L3MBTL4: variants seen among roughly 807,000 people sequenced by gnomAD.
L3MBTL4 encodes L3MBTL histone methyl-lysine binding protein 4.
In L3MBTL4, 70 loss-of-function variants were observed where a neutral mutation model predicts 84.5. The observed-to-expected ratio is 0.83, with a 90% CI of 0.68 to 1.01. The LOEUF is 1.01. Among genes scored for constraint, L3MBTL4 ranks in the 50% least tolerant of loss-of-function variants. The probability of loss-of-function intolerance (pLI) is 0.00; values close to 1 mark genes in which losing one functional copy is unlikely to be tolerated. For synonymous variants in L3MBTL4, 274 were observed against 259.8 expected (o/e 1.05, Z -0.52); for missense variants, 715 against 754.8 (o/e 0.95, Z 0.62).
intron 5 of L3MBTL4, among the ~76,000 whole-genome samples, chr18:6,257,200 A>C (rs2048180511): frequency 6.6e-6 from 1 of 152,158 alleles, no homozygotes. Flanking sequence ...AGTGAGGGGA[A>C]GCAGTGGAGG....
At chr18:6,387,525 G>T (rs61057214) in intron 1 of L3MBTL4, among the ~76,000 whole-genome samples, 1,569 of 152,178 alleles carry the variant, frequency 0.01, 25 homozygotes, top group African/African-American at 0.035. Context: ...CTGGCATTTG[G>T]CATTCTTTAA....
At chr18:6,330,256 G>A (rs116885404) in intron 1 of L3MBTL4, among the ~76,000 whole-genome samples, 1,555 of 152,260 alleles carry the variant, frequency 0.01, 12 homozygotes, top group Middle Eastern at 0.031. Flanking sequence ...CCCCAACTTG[G>A]TGGCCTAAAA....
chr18:6,160,267 CTACCTT>C (rs1219309846), intron 13 of L3MBTL4, among the ~76,000 whole-genome samples: 1 of 152,222 alleles, frequency 6.6e-6, no homozygotes, highest in Non-Finnish European at 1.5e-5. Context: ...TACTCAGTGA[CTACCTT>C]TTGTGTTGCA....
chr18:6,138,362 T>C (rs1001332575), intron 13 of L3MBTL4, 66 bp from the exon 14 acceptor site: 4 of 955,268 alleles, frequency 4.2e-6, no homozygotes, highest in African/African-American at 1.6e-5. Context: ...ATCTGAAATA[T>C]GTAAATGATG....
intron 4 of L3MBTL4, among the ~76,000 whole-genome samples, chr18:6,264,379 A>T (rs1450937574): frequency 2.0e-5 from 3 of 152,208 alleles, no homozygotes; most frequent in Non-Finnish European, 4.4e-5. Context: ...TTTTACAGTT[A>T]ATAGTCTAAA....
chr18:6,158,985 GA>G (rs1295363291), intron 13 of L3MBTL4, among the ~76,000 whole-genome samples: 2 of 152,172 alleles, frequency 1.3e-5, no homozygotes, highest in Non-Finnish European at 2.9e-5. Flanking sequence ...GTCTCTTTAT[GA>G]AAAGGTAAGG....
At chr18:6,385,134 G>A (rs1347691667) in intron 1 of L3MBTL4, among the ~76,000 whole-genome samples, 1 of 152,170 alleles carries the variant, frequency 6.6e-6, no homozygotes, top group Admixed American at 6.5e-5. Flanking sequence ...GGCCACAGTG[G>A]TTCACGCCTG....
chr18:6,036,419 C>T (rs1822963761), intron 16 of L3MBTL4, among the ~76,000 whole-genome samples: 1 of 152,018 alleles, frequency 6.6e-6, no homozygotes, highest in African/African-American at 2.4e-5. Flanking sequence ...AAAATTTTCA[C>T]TTCAGCTATT....
intron 17 of L3MBTL4, among the ~76,000 whole-genome samples, chr18:5,964,769 TGTGC>T (rs760024517): frequency 1.4e-4 from 22 of 152,152 alleles, no homozygotes; most frequent in Non-Finnish European, 2.5e-4. Flanking sequence ...GGGGGGTAAA[TGTGC>T]ACACCACATA....
intron 13 of L3MBTL4, among the ~76,000 whole-genome samples, chr18:6,153,041 A>G (rs372687340): frequency 6.6e-6 from 1 of 152,154 alleles, no homozygotes; most frequent in Admixed American, 6.5e-5. Flanking sequence ...TTACTTGACC[A>G]TATACATGGG....
chr18:6,254,097 C>T lies in L3MBTL4; in HGVS notation c.220-9509G>A, dbSNP rs148951007. On this transcript the variant is annotated intron_variant, in intron 5 of 18. Coordinates refer to ENST00000317931, the MANE Select transcript of L3MBTL4 (RefSeq NM_001330559.2). Reference sequence around the variant, plus strand: ...TTCTAGAATCCTCTTGAATTTTATACAAAATTTTGGGTGCAAATGGATATA... The same window carrying T: ...TTCTAGAATCCTCTTGAATTTTATATAAAATTTTGGGTGCAAATGGATATA... Among the ~76,000 whole-genome samples the T allele has an allele frequency of 8.5e-5, 13 of 152,192 alleles. No individual in the cohort carries two copies. In the East Asian group the frequency reaches 1.4e-3, roughly 16 times the overall value.
intron 12 of L3MBTL4, among the ~76,000 whole-genome samples, chr18:6,193,523 T>G (rs955522425): frequency 6.6e-6 from 1 of 152,158 alleles, no homozygotes; most frequent in Non-Finnish European, 1.5e-5. Context: ...GAGCAGAAAG[T>G]GAAGAGAACC....
chr18:6,209,514 G>A (rs529999264), intron 12 of L3MBTL4, among the ~76,000 whole-genome samples: 1 of 150,990 alleles, frequency 6.6e-6, no homozygotes, highest in South Asian at 2.1e-4. Flanking sequence ...GTGAAGATGT[G>A]GAGAAATTGG....
At chr18:6,022,302 C>A (rs1341447490) in intron 16 of L3MBTL4, among the ~76,000 whole-genome samples, 1 of 152,148 alleles carries the variant, frequency 6.6e-6, no homozygotes, top group Non-Finnish European at 1.5e-5. Context: ...TGGAGCTGTG[C>A]TTCTGTGTCT....
intron 1 of L3MBTL4, among the ~76,000 whole-genome samples, chr18:6,350,598 A>T (rs1006296757): frequency 6.6e-6 from 1 of 152,120 alleles, no homozygotes; most frequent in African/African-American, 2.4e-5. Flanking sequence ...AGATGTGGAG[A>T]AGTGAATACC....
At chr18:6,225,972 G>A (rs759591498) in intron 10 of L3MBTL4, among the ~76,000 whole-genome samples, 1 of 151,962 alleles carries the variant, frequency 6.6e-6, no homozygotes, top group Non-Finnish European at 1.5e-5. Context: ...TTAAGCTACA[G>A]GAAATTATAA....
intron 16 of L3MBTL4, among the ~76,000 whole-genome samples, chr18:6,065,743 CT>C (rs987430074): frequency 1.3e-5 from 2 of 151,838 alleles, no homozygotes; most frequent in Non-Finnish European, 2.9e-5. Flanking sequence ...TGGATATTCT[CT>C]TTTTTTCTTG....
At chr18:6,144,166 A>C (rs2144723557) in intron 13 of L3MBTL4, among the ~76,000 whole-genome samples, 1 of 138,944 alleles carries the variant, frequency 7.2e-6, no homozygotes, top group East Asian at 2.1e-4. Flanking sequence ...ACTGCACTCC[A>C]GCCTGGGCGA....
chr18:6,106,135 TAAG>T (rs992861192), intron 14 of L3MBTL4, among the ~76,000 whole-genome samples: 5 of 152,212 alleles, frequency 3.3e-5, no homozygotes, highest in African/African-American at 1.2e-4. Context: ...GCCAAACAGC[TAAG>T]AAGTTATACA....
Sources: allele counts gnomAD v4.1 joint callset (sites outside exome capture counted in the v4.1 genomes callset), GRCh38; gene constraint gnomAD v4.1.1; transcripts MANE v1.5; gene names NCBI Gene and HGNC (gene_info 2026-07-23, HGNC 2026-07-21).